VASH2: variants seen among roughly 807,000 people sequenced by gnomAD.
VASH2 encodes the protein vasohibin 2.
In VASH2, 28 loss-of-function variants were observed where a neutral mutation model predicts 37.2. That is an observed-to-expected ratio of 0.75 (90% CI 0.56 to 1.03). The LOEUF is 1.03. Among genes scored for constraint, VASH2 ranks in the 50% least tolerant of loss-of-function variants. VASH2 has a pLI of 0.00. For synonymous variants in VASH2, 188 were observed against 174.7 expected, an observed-to-expected ratio of 1.08 and a Z score of -0.60; for missense variants, 419 against 459.1, an observed-to-expected ratio of 0.91 and a Z score of 0.80.
Position 212,951,696 on chromosome 1 carries a change from A to G in VASH2, c.154A>G (p.Asn52Asp). 1.2e-6 allele frequency: 2 copies of G among 1,602,432 alleles called. No homozygotes were observed. Among genetic ancestry groups the G allele is most frequent in the Non-Finnish European group, 1.7e-6 (2 of 1,175,686 alleles). The change falls in exon 2 of 8, where the codon AAC (asparagine) becomes GAC (aspartate). Residue 52 changes from asparagine (N) to aspartate (D), a missense_variant. Coordinates refer to ENST00000517399, the MANE Select transcript of VASH2 (RefSeq NM_001301056.2). This position sits in a 1 kb window ranked among gnomAD's most constrained non-coding sequence, Gnocchi z 4.4. The part of the protein sequence containing the change: ...DKDGGVLFHV[N>D]KSGFPIDSHT... ...AGACGGCGGGGTGCTGTTCCACGTCAACAAGAGCGGCTTCCCCATCGACAG... is the reference window on the plus strand; with the variant it reads ...AGACGGCGGGGTGCTGTTCCACGTCGACAAGAGCGGCTTCCCCATCGACAG...
At chr1:212,982,211 C>T (rs565187523) in intron 7 of VASH2, among the ~76,000 whole-genome samples, 6 of 152,310 alleles carry the variant, frequency 3.9e-5, no homozygotes, top group Admixed American at 6.5e-5. Flanking sequence ...AGTCCATTTA[C>T]GTCACAACAG....
At position 212,989,863 on chromosome 1, in the gene VASH2, C is replaced by G. The variant is rs2075839627; in HGVS notation, c.*1279C>G. On this transcript the variant is annotated 3_prime_UTR_variant, in exon 8 of 8. Coordinates refer to ENST00000517399, the MANE Select transcript of VASH2 (RefSeq NM_001301056.2). ...ACCTCTGGCTGCAGACCACACAGGA[C>G]AACCCTAACAGCCTAGTCTTGTATG... 6.6e-6 allele frequency: 1 copy of G among 152,106 alleles called. No individual in the cohort carries two copies. 9.4% of individuals were successfully genotyped at this position (152,106 alleles called of 1,614,324 possible). A position where few individuals can be genotyped will look rare whatever the true frequency, so the allele number is the denominator to read the frequency against.
intron 5 of VASH2, chr1:212,967,292 A>C: frequency 7.9e-7 from 1 of 1,260,734 alleles, no homozygotes. Flanking sequence ...AATTTTATAC[A>C]TTCGAGCATC....
At position 212,966,122 on chromosome 1, in the gene VASH2, G is replaced by T. The variant is rs943047796; in HGVS notation, c.423-149G>T. The T allele has an allele frequency of 7.4e-4, 506 of 679,854 alleles. 4 individuals are homozygous for T. Among genetic ancestry groups the T allele is most frequent in the Middle Eastern group, 2.8e-4 (1 of 3,630 alleles). The allele number at this position is 679,854 out of a possible 1,614,324, so 42.1% of individuals were successfully genotyped here. A position where few individuals can be genotyped will look rare whatever the true frequency, so the allele number is the denominator to read the frequency against. The stretch of plus-strand genomic sequence containing the variant: ...CTCCAGGAATTAACTCTTGTGCTTT[G>T]GTGCCTTCCTGCAAGGTGACTTCTC... On this transcript the variant is annotated intron_variant, in intron 4 of 7. Transcript: ENST00000517399.
chr1:212,959,300 T>C (rs1052679281), intron 2 of VASH2, among the ~76,000 whole-genome samples: 2 of 152,184 alleles, frequency 1.3e-5, no homozygotes, highest in Non-Finnish European at 2.9e-5. Flanking sequence ...GTGAGTGTCA[T>C]GGGAGCAAAT....
intron 2 of VASH2, among the ~76,000 whole-genome samples, chr1:212,953,675 C>T (rs1445002117): frequency 6.6e-6 from 1 of 152,100 alleles, no homozygotes; most frequent in Non-Finnish European, 1.5e-5. Context: ...AAATCTCTGT[C>T]CTTAGTTTTC....
At chr1:212,985,352 T>A (rs1241841074) in intron 7 of VASH2, among the ~76,000 whole-genome samples, 1 of 151,168 alleles carries the variant, frequency 6.6e-6, no homozygotes, top group Non-Finnish European at 1.5e-5. Flanking sequence ...TGATTCACTT[T>A]TATGTAAAAG....
intron 7 of VASH2, among the ~76,000 whole-genome samples, chr1:212,980,963 C>T (rs1249321412): frequency 6.6e-6 from 1 of 152,166 alleles, no homozygotes; most frequent in African/African-American, 2.4e-5. Context: ...CTTGGAGAAA[C>T]CAAGATGGAA....
chr1:212,984,611 GAGGTGTGACT>G (rs1667425949), intron 7 of VASH2, among the ~76,000 whole-genome samples: 1 of 152,192 alleles, frequency 6.6e-6, no homozygotes, highest in African/African-American at 2.4e-5. Context: ...AGAAGGAGGA[GAGGTGTGACT>G]TGGTGTTGAG....
In VASH2 at chr1:212,991,355, A is replaced by G. The variant is rs1306588725; in HGVS notation, c.*2771A>G. 1 of 152,194 alleles carries G rather than the reference A, an allele frequency of 6.6e-6. No individual in the cohort carries two copies. The highest frequency in any genetic ancestry group is 1.5e-5 in the Non-Finnish European group (1 of 68,036). The allele number at this position is 152,194 out of a possible 1,614,324, so 9.4% of individuals were successfully genotyped here. ...CCTTGTACAGTTTTTTTGACATACA[A>G]TTCAGAACTTTGTTTATTCTCTTGG... is the stretch of plus-strand genomic sequence containing the variant. On this transcript the variant is annotated 3_prime_UTR_variant, in exon 8 of 8. Coordinates refer to ENST00000517399, the MANE Select transcript of VASH2 (RefSeq NM_001301056.2).
At chr1:212,974,342 C>T (rs1280527844) in intron 7 of VASH2, among the ~76,000 whole-genome samples, 1 of 152,148 alleles carries the variant, frequency 6.6e-6, no homozygotes, top group Non-Finnish European at 1.5e-5. Flanking sequence ...GCAGGTGGCC[C>T]GGAGGGAGCC....
At position 212,989,360 on chromosome 1, in the gene VASH2, T is replaced by C. The variant is rs1240268299; in HGVS notation, c.*776T>C. The C allele has an allele frequency of 1.3e-5, 2 of 152,208 alleles. No homozygotes were observed. The highest frequency in any genetic ancestry group is 2.4e-5 in the African/African-American group (1 of 41,454). 9.4% of individuals were successfully genotyped at this position (152,208 alleles called of 1,614,324 possible). A position where few individuals can be genotyped will look rare whatever the true frequency, so the allele number is the denominator to read the frequency against. ...GCTAGTCTATGTTCTGTCACTAACA[T>C]TTAAACTTTGCAGACTCTAACAAAA... On this transcript the variant is annotated 3_prime_UTR_variant, in exon 8 of 8. Coordinates refer to ENST00000517399, the MANE Select transcript of VASH2 (RefSeq NM_001301056.2).
chr1:212,956,416 C>T (rs969161162), intron 2 of VASH2, among the ~76,000 whole-genome samples: 1 of 152,190 alleles, frequency 6.6e-6, no homozygotes, highest in Admixed American at 6.5e-5. Flanking sequence ...TCTGTTTCCT[C>T]TAGATTGTGC....
chr1:212,981,651 G>C (rs1269541196), intron 7 of VASH2, among the ~76,000 whole-genome samples: 1 of 152,160 alleles, frequency 6.6e-6, no homozygotes. Flanking sequence ...CTGGACTCCC[G>C]AGCCTGCAGG....
rs959944847 is a variant in VASH2 at position 212,989,071 on chromosome 1, G to A, written c.*487G>A. On this transcript the variant is annotated 3_prime_UTR_variant, in exon 8 of 8. Transcript: ENST00000517399. ...ACATCAGATATGCAAACTTAATGGC[G>A]TTTTGTTTTTTTATATTCTATTTGT... 5 of 158,066 alleles carry A rather than the reference G, an allele frequency of 3.2e-5. No homozygotes were observed. The highest frequency in any genetic ancestry group is 1.8e-4 in the East Asian group (1 of 5,538). The allele number at this position is 158,066 out of a possible 1,614,324, so 9.8% of individuals were successfully genotyped here.
intron 2 of VASH2, among the ~76,000 whole-genome samples, chr1:212,959,670 G>C (rs985761398): frequency 6.6e-6 from 1 of 152,248 alleles, no homozygotes; most frequent in Non-Finnish European, 1.5e-5. Context: ...GGGGGGCAGC[G>C]TGCCCTCAGC....
At chr1:212,970,579 A>C (rs1445089507) in intron 5 of VASH2, among the ~76,000 whole-genome samples, 1 of 152,064 alleles carries the variant, frequency 6.6e-6, no homozygotes, top group African/African-American at 2.4e-5. Context: ...AAGTGCATTC[A>C]TAATGCTCTG....
chr1:212,973,417 C>T (rs1292535144), intron 6 of VASH2: 1 of 1,291,608 alleles, frequency 7.7e-7, no homozygotes, highest in African/African-American at 1.5e-5. Context: ...TGTCCATGTC[C>T]CTCCAGGGCT....
At chr1:212,960,208 T>C (rs1254316182) in intron 2 of VASH2, among the ~76,000 whole-genome samples, 1 of 152,174 alleles carries the variant, frequency 6.6e-6, no homozygotes, top group Non-Finnish European at 1.5e-5. Context: ...GGGACCTGCT[T>C]CCCCCTTTCC....
Sources: gnomAD v4.1 joint callset for allele counts (sites outside exome capture counted in the v4.1 genomes callset) on GRCh38, gnomAD v4.1.1 for gene constraint, Gnocchi (gnomAD v3.1) non-coding constraint, MANE v1.5 for transcripts, NCBI Gene and HGNC (gene_info 2026-07-23, HGNC 2026-07-21) for gene names.